EML6: variants seen among roughly 807,000 people sequenced by gnomAD.
EML6 encodes the protein echinoderm microtubule-associated protein-like 6.
Under a neutral mutation model 240.1 loss-of-function variants are expected in EML6, and 154 were observed. That is an observed-to-expected ratio of 0.64 (90% CI 0.56 to 0.73). EML6 has a LOEUF of 0.73. EML6 is among the 30% of genes least tolerant of loss of function. The probability of loss-of-function intolerance (pLI) is 0.00; values close to 1 mark genes in which losing one functional copy is unlikely to be tolerated. For missense variants in EML6, 2,964 were observed against 2,474.6 expected (o/e 1.20, Z -4.20); for synonymous variants, 1,148 against 899.0 (o/e 1.28, Z -4.95).
chr2:54,741,332 A>G (rs1025617260), intron 2 of EML6, among the ~76,000 whole-genome samples: 3 of 152,214 alleles, frequency 2.0e-5, no homozygotes, highest in Non-Finnish European at 2.9e-5. Flanking sequence ...AAAAAAATTC[A>G]GATTTAATGA....
Position 54,903,064 on chromosome 2 carries a change from T to TC in EML6, c.3149dup (p.Asp1051Ter). 6.4e-7 allele frequency: 1 copy of TC among 1,551,690 alleles called. No individual in the cohort carries two copies. Among genetic ancestry groups the TC allele is most frequent in the African/African-American group, 1.4e-5 (1 of 73,170 alleles). Reference sequence around the variant, plus strand: ...TGTAGGTGGAAGATGCTGTGCCTTTTCCCCTGATGGGAAAGCCTTAGCGGT... The same window carrying TC: ...TGTAGGTGGAAGATGCTGTGCCTTTTCCCCCTGATGGGAAAGCCTTAGCGGT... On this transcript the variant is annotated frameshift_variant, in exon 23 of 42. Coordinates refer to ENST00000356458, the MANE Select transcript of EML6 (RefSeq NM_001039753.4). LOFTEE classifies it high-confidence loss of function.
intron 17 of EML6, among the ~76,000 whole-genome samples, chr2:54,883,162 C>T (rs1671930979): frequency 6.6e-6 from 1 of 152,084 alleles, no homozygotes; most frequent in African/African-American, 2.4e-5. Context: ...TATAATTCCA[C>T]TACCCAGATG....
At chr2:54,914,090 C>G (rs1235186602) in intron 25 of EML6, among the ~76,000 whole-genome samples, 3 of 152,184 alleles carry the variant, frequency 2.0e-5, no homozygotes, top group Non-Finnish European at 2.9e-5. Flanking sequence ...AATACGATAC[C>G]TCTGGCTTTG....
At chr2:54,961,184 G>GTTGTTTTTTTTTTTTTTTTTTTTTT in intron 35 of EML6, among the ~76,000 whole-genome samples, 3,254 of 55,338 alleles carry the variant, frequency 0.059, 1,356 homozygotes, top group Non-Finnish European at 0.071. Context: ...TCAGGAAGTA[G>GTTGTTTTTTTTTTTTTTTTTTTTTT]TTTTTTTTTT....
chr2:54,729,238 C>G (rs1321914626), intron 2 of EML6, among the ~76,000 whole-genome samples: 2 of 152,248 alleles, frequency 1.3e-5, no homozygotes, highest in Non-Finnish European at 2.9e-5. Flanking sequence ...AAAGCCCTAT[C>G]TGCTGCAGTC....
intron 2 of EML6, among the ~76,000 whole-genome samples, chr2:54,803,425 G>A (rs1429811684): frequency 1.3e-5 from 2 of 152,038 alleles, no homozygotes; most frequent in African/African-American, 2.4e-5. Flanking sequence ...CTTTTTTCTC[G>A]GCTGTATCTT....
At chr2:54,814,703 C>A (rs1162142160) in intron 3 of EML6, among the ~76,000 whole-genome samples, 1 of 152,142 alleles carries the variant, frequency 6.6e-6, no homozygotes, top group Non-Finnish European at 1.5e-5. Context: ...TAGGAGTTGA[C>A]CTGGGTTGAG....
intron 28 of EML6, among the ~76,000 whole-genome samples, chr2:54,938,581 C>T (rs1231037075): frequency 1.3e-5 from 2 of 152,306 alleles, no homozygotes; most frequent in East Asian, 1.9e-4. Flanking sequence ...ACATGCCTAC[C>T]AGCTCCCACA....
chr2:54,871,457 T>C, intron 15 of EML6, 43 bp from the exon 16 acceptor site: 1 of 1,406,844 alleles, frequency 7.1e-7, no homozygotes. Context: ...TCATTGTTAG[T>C]ATAACGTGTT....
intron 28 of EML6, among the ~76,000 whole-genome samples, chr2:54,934,680 C>A (rs1471863923): frequency 6.6e-6 from 1 of 152,014 alleles, no homozygotes; most frequent in African/African-American, 2.4e-5. Context: ...CCCCCAAGTA[C>A]CTGGGACTAG....
chr2:54,813,258 T>G lies in EML6; in HGVS notation c.224T>G (p.Leu75Arg). 1 of 1,550,866 alleles carries G rather than the reference T, an allele frequency of 6.4e-7. No homozygotes were observed. The highest frequency in any genetic ancestry group is 1.7e-4 in the Middle Eastern group (1 of 5,984). ...CTTGCCTTACACCCAGACAAAACTC[T>G]CGTTGCAACTGGCCAAGTCGGGAAG... Reference protein sequence around the residue: ...ISLALHPDKTLVATGQVGKEP... With the variant: ...ISLALHPDKTRVATGQVGKEP... Residue 75 changes from leucine to arginine, a missense_variant, in exon 3 of 42, where the codon CTC becomes CGC. By Grantham distance (102) the Leu-to-Arg change is moderately radical (BLOSUM62 -2). Transcript: ENST00000356458.
intron 13 of EML6, 57 bp from the exon 14 acceptor site, chr2:54,866,709 A>G: frequency 1.0e-6 from 1 of 956,070 alleles, no homozygotes. Context: ...CAAGATGCTG[A>G]TATTTTTGGA....
In EML6 at chr2:54,871,495, T is replaced by A; in HGVS notation, c.2239-5T>A. The A allele has an allele frequency of 6.5e-7, 1 of 1,548,614 alleles. No homozygotes were observed. The highest frequency in any genetic ancestry group is 1.2e-5 in the South Asian group (1 of 84,016). Reference sequence around the variant, plus strand: ...TAGTTAATAACAGTCATTCTGTTATTTAAGGTTGGAAGAGATGCTGCTATT... The same window carrying A: ...TAGTTAATAACAGTCATTCTGTTATATAAGGTTGGAAGAGATGCTGCTATT... On this transcript the variant is annotated splice_region_variant and splice_polypyrimidine_tract_variant and intron_variant, in intron 15 of 41. Transcript: ENST00000356458.
At chr2:54,843,309 T>C (rs1463261354) in intron 7 of EML6, among the ~76,000 whole-genome samples, 1 of 152,126 alleles carries the variant, frequency 6.6e-6, no homozygotes, top group Non-Finnish European at 1.5e-5. Context: ...ACACCTGTAG[T>C]CCCAGTTACT....
At chr2:54,752,268 T>G (rs1378260548) in intron 2 of EML6, among the ~76,000 whole-genome samples, 1 of 152,230 alleles carries the variant, frequency 6.6e-6, no homozygotes, top group African/African-American at 2.4e-5. Context: ...TATTCATAGT[T>G]GAACCCCAAA....
rs186906105 is a variant in EML6, at chr2:54,846,096, G to C, written c.1050-1390G>C. ...TGAAAGCTTTGTTTGAGCTGCAATT[G>C]CCCCTCGTTTGCCACTTCTCCAGCA... On this transcript the variant is annotated intron_variant, in intron 8 of 41. Coordinates refer to ENST00000356458, the MANE Select transcript of EML6 (RefSeq NM_001039753.4). Among the ~76,000 whole-genome samples the C allele has an allele frequency of 4.5e-4, 68 of 152,258 alleles. 1 individual carries two copies. The highest frequency in any genetic ancestry group is 7.9e-4 in the Admixed American group (12 of 15,282).
chr2:54,820,410 G>A lies in EML6; in HGVS notation c.473G>A (p.Trp158Ter). 3.2e-6 allele frequency: 5 copies of A among 1,549,092 alleles called. No individual in the cohort carries two copies. The highest frequency in any genetic ancestry group is 4.4e-6 in the Non-Finnish European group (5 of 1,144,962). Residue 158 changes from tryptophan to a stop codon, truncating the protein, a stop_gained, in exon 5 of 42, where the codon TGG becomes TAG. Transcript: ENST00000356458. LOFTEE classifies it high-confidence loss of function. ...GHSDRIFDIS[W>*]DPYQPNRVVS... ...TTTGAACAGATTTTTGATATTTCCT[G>A]GGATCCATATCAGCCAAACAGAGTG...
chr2:54,900,285 A>G (rs559090963), intron 22 of EML6, among the ~76,000 whole-genome samples: 2 of 152,308 alleles, frequency 1.3e-5, no homozygotes, highest in East Asian at 3.9e-4. Context: ...TCTGTGTGGC[A>G]GGCACAGGGG....
chr2:54,892,325 G>T (rs1044323973), intron 18 of EML6, 129 bp from the exon 19 acceptor site: 2 of 637,214 alleles, frequency 3.1e-6, no homozygotes, highest in Non-Finnish European at 5.6e-6. Context: ...GATGTTCTCT[G>T]TCACTTTTAG....
Sources: gnomAD v4.1 joint callset for allele counts (sites outside exome capture counted in the v4.1 genomes callset) on GRCh38, gnomAD v4.1.1 for gene constraint, MANE v1.5 for transcripts, NCBI Gene and HGNC (gene_info 2026-07-23, HGNC 2026-07-21) for gene names.